The following LEPR variants were observed in gnomAD, a reference collection of about 807,000 sequenced individuals.
LEPR encodes OB receptor.
LEPR carries 56 observed loss-of-function variants against 114.7 expected under a neutral mutation model. The observed-to-expected ratio is 0.49, with a 90% CI of 0.39 to 0.61. The LOEUF (loss-of-function observed/expected upper bound fraction) is 0.61, where lower values mean the gene tolerates loss of function less well. Ranked by LOEUF, LEPR falls within the 20% of genes least tolerant of loss-of-function variation. The pLI is 0.00. For missense variants in LEPR, 1,202 were observed against 1,352.9 expected, an observed-to-expected ratio of 0.89 and a Z score of 1.75; for synonymous variants, 443 against 461.4, an observed-to-expected ratio of 0.96 and a Z score of 0.51.
chr1:65,488,155 CCTTCCTTT>C lies in LEPR; in HGVS notation c.-21+62781_-21+62788del, dbSNP rs1186272635. Among the ~76,000 whole-genome samples, 20 of 83,746 alleles carry C rather than the reference CCTTCCTTT, an allele frequency of 2.4e-4. No individual in the cohort carries two copies. The South Asian group carries it at 2.5e-3, about 11-fold the overall frequency. 54.9% of individuals were successfully genotyped at this position (83,746 alleles called of 152,430 possible). ...CCTCCCTCCCTCTCCTTCCTTCCTT[CCTTCCTTT>C]CTTTCTTTCTTTCTTTCTTTCTTTC... On this transcript the variant is annotated intron_variant, in intron 2 of 19. Coordinates refer to ENST00000349533, the MANE Select transcript of LEPR (RefSeq NM_002303.6).
Position 65,601,598 on chromosome 1 carries a change from C to A in LEPR, c.1201C>A (p.Pro401Thr). 1 of 1,613,716 alleles carries A rather than the reference C, an allele frequency of 6.2e-7. No individual in the cohort carries two copies. Residue 401 changes from proline to threonine, a missense_variant, in exon 9 of 20, where the codon CCT (proline) becomes ACT (threonine). Physicochemically the swap from Pro to Thr is conservative, Grantham distance 38. Transcript: ENST00000349533. ...TTTTTTCAATCTGAATGAAACCAAA[C>A]CTCGAGGAAAGTTTACCTATGATGC... The part of the protein sequence containing the change: ...VTFFNLNETK[P>T]RGKFTYDAVY...
chr1:65,577,640 GT>G (rs1455131116), intron 5 of LEPR: 1 of 187,594 alleles, frequency 5.3e-6, no homozygotes, highest in African/African-American at 2.4e-5. Context: ...ATCATGCCTA[GT>G]TCAGAAGACA....
chr1:65,591,566 T>A (rs186858284), intron 5 of LEPR, among the ~76,000 whole-genome samples: 1 of 152,092 alleles, frequency 6.6e-6, no homozygotes, highest in African/African-American at 2.4e-5. Context: ...CCTTTTTCAT[T>A]ATGAAATGAT....
chr1:65,533,029 T>A (rs1650511232), intron 2 of LEPR, among the ~76,000 whole-genome samples: 1 of 152,142 alleles, frequency 6.6e-6, no homozygotes, highest in South Asian at 2.1e-4. Flanking sequence ...AAAAATACTT[T>A]AAAAATAAAG....
At chr1:65,472,411 AACACACACACAC>A (rs71721804) in intron 2 of LEPR, among the ~76,000 whole-genome samples, 1 of 133,286 alleles carries the variant, frequency 7.5e-6, no homozygotes, top group African/African-American at 2.9e-5. Context: ...CTGTGGCTAA[AACACACACACAC>A]ACACACACAC....
intron 2 of LEPR, among the ~76,000 whole-genome samples, chr1:65,483,768 T>G (rs1385833029): frequency 1.3e-5 from 2 of 152,182 alleles, no homozygotes; most frequent in African/African-American, 4.8e-5. Context: ...CATGGCTCTG[T>G]CTCTTCATTC....
At chr1:65,478,783 C>T (rs2100441322) in intron 2 of LEPR, among the ~76,000 whole-genome samples, 1 of 152,202 alleles carries the variant, frequency 6.6e-6, no homozygotes, top group South Asian at 2.1e-4. Context: ...CCCTTCAGTT[C>T]TAGATTTGAG....
At chr1:65,488,204 CTTTCTT>C (rs1466292318) in intron 2 of LEPR, among the ~76,000 whole-genome samples, 1,156 of 34,008 alleles carry the variant, frequency 0.034, 7 homozygotes, top group East Asian at 0.052. Context: ...TTCTTTCTTT[CTTTCTT>C]TCTCTCTCTC....
rs1648140578 is a variant in LEPR, at chr1:65,496,099, C to A, written c.-20-69447C>A. Among the ~76,000 whole-genome samples, 3 of 152,156 alleles carry A rather than the reference C, an allele frequency of 2.0e-5. No individual in the cohort carries two copies. The South Asian group carries it at 6.2e-4, about 32-fold the overall frequency. On this transcript the variant is annotated intron_variant, in intron 2 of 19. Transcript: ENST00000349533. ...AAATGATAAATGAGATGATGGATAT[C>A]ACAATTACCCTGATATGATCATTAC... is the stretch of plus-strand genomic sequence containing the variant.
intron 2 of LEPR, among the ~76,000 whole-genome samples, chr1:65,437,269 A>G (rs1032049740): frequency 6.6e-6 from 1 of 152,064 alleles, no homozygotes; most frequent in African/African-American, 2.4e-5. Flanking sequence ...GTATATATGT[A>G]TATATTTTGA....
chr1:65,631,528 A>T (rs932470174), intron 19 of LEPR, among the ~76,000 whole-genome samples: 3 of 152,134 alleles, frequency 2.0e-5, no homozygotes, highest in Non-Finnish European at 4.4e-5. Context: ...ACTTCTCATT[A>T]GCCCTCTCAG....
chr1:65,622,680 G>A (rs1196997845), intron 18 of LEPR, among the ~76,000 whole-genome samples: 1 of 152,174 alleles, frequency 6.6e-6, no homozygotes, highest in Non-Finnish European at 1.5e-5. Context: ...TTGGCACACA[G>A]CTTTCAATAA....
intron 2 of LEPR, chr1:65,433,737 T>C (rs914280706): frequency 2.2e-6 from 2 of 920,654 alleles, no homozygotes; most frequent in African/African-American, 3.6e-5. Flanking sequence ...CTTTATAATT[T>C]TAACCGGCAT....
At chr1:65,431,756 C>T in intron 2 of LEPR, 2 of 1,585,482 alleles carry the variant, frequency 1.3e-6, no homozygotes, top group Non-Finnish European at 1.7e-6. Context: ...GCAAAGAGTA[C>T]AATATGAAGG....
At chr1:65,492,069 G>A (rs1240543752) in intron 2 of LEPR, among the ~76,000 whole-genome samples, 2 of 151,998 alleles carry the variant, frequency 1.3e-5, no homozygotes, top group African/African-American at 4.8e-5. Flanking sequence ...AATTTCTTGT[G>A]CTCCTTTCTG....
intron 1 of LEPR, 79 bp from the exon 2 acceptor site, chr1:65,425,224 A>G: frequency 8.3e-7 from 1 of 1,203,874 alleles, no homozygotes; most frequent in Non-Finnish European, 1.2e-6. Context: ...ATTAGAAGTC[A>G]CTCCCCATTT....
chr1:65,512,393 T>A (rs1309857122), intron 2 of LEPR, among the ~76,000 whole-genome samples: 1 of 152,192 alleles, frequency 6.6e-6, no homozygotes, highest in African/African-American at 2.4e-5. Context: ...AGCTGCGTGA[T>A]GAAGGTCCTC....
chr1:65,604,966 T>A, intron 10 of LEPR, 72 bp from the exon 11 acceptor site: 1 of 1,579,084 alleles, frequency 6.3e-7, no homozygotes, highest in Non-Finnish European at 8.6e-7. Flanking sequence ...AAACAACAAA[T>A]CAGAATTCTC....
chr1:65,503,205 A>T (rs1648546718), intron 2 of LEPR, among the ~76,000 whole-genome samples: 1 of 152,124 alleles, frequency 6.6e-6, no homozygotes, highest in Non-Finnish European at 1.5e-5. Flanking sequence ...TAAGTGATGA[A>T]ACCATTCTGC....
Sources: allele counts gnomAD v4.1 joint callset (sites outside exome capture counted in the v4.1 genomes callset), GRCh38; gene constraint gnomAD v4.1.1; transcripts MANE v1.5; gene names NCBI Gene and HGNC (gene_info 2026-07-23, HGNC 2026-07-21).